Variants in PLXDC2 observed in about 807,000 individuals in gnomAD.
PLXDC2 encodes plexin domain containing 2.
PLXDC2 carries 40 observed loss-of-function variants against 68.9 expected under a neutral mutation model. The ratio of observed to expected loss-of-function variants is 0.58; its 90% confidence interval spans 0.45 to 0.76. The LOEUF (loss-of-function observed/expected upper bound fraction) is 0.76. Among genes scored for constraint, PLXDC2 ranks in the 30% least tolerant of loss-of-function variants. PLXDC2 has a pLI of 0.00. For synonymous variants in PLXDC2, 243 were observed against 234.2 expected (o/e 1.04, Z -0.34); for missense variants, 644 against 661.9 (o/e 0.97, Z 0.30).
At chr10:20,063,504 A>T (rs570818298) in intron 3 of PLXDC2, among the ~76,000 whole-genome samples, 2 of 152,228 alleles carry the variant, frequency 1.3e-5, no homozygotes, top group African/African-American at 4.8e-5. Flanking sequence ...TTGACTAATT[A>T]ATTCATCCTT....
intron 6 of PLXDC2, among the ~76,000 whole-genome samples, chr10:20,148,979 T>G (rs934953727): frequency 6.6e-6 from 1 of 152,160 alleles, no homozygotes; most frequent in African/African-American, 2.4e-5. Flanking sequence ...ACTTTTTTAA[T>G]GAAATTTTTC....
chr10:20,072,493 G>GAGAAAGAAAA (rs1836343652), intron 4 of PLXDC2, among the ~76,000 whole-genome samples: 1 of 80,704 alleles, frequency 1.2e-5, no homozygotes, highest in Non-Finnish European at 2.4e-5. Context: ...AAGAAAGAAA[G>GAGAAAGAAAA]AGAAAGAAAG....
intron 4 of PLXDC2, among the ~76,000 whole-genome samples, chr10:20,136,170 G>A (rs1589647621): frequency 6.6e-6 from 1 of 152,094 alleles, no homozygotes. Context: ...AATACAAGCC[G>A]ATATCCTCAT....
intron 6 of PLXDC2, among the ~76,000 whole-genome samples, chr10:20,162,252 C>CA (rs1319093712): frequency 6.6e-6 from 1 of 152,114 alleles, no homozygotes; most frequent in East Asian, 1.9e-4. Context: ...CTGCAGGAAC[C>CA]AAGACATGTG....
intron 1 of PLXDC2, among the ~76,000 whole-genome samples, chr10:19,971,015 C>T (rs113828321): frequency 0.012 from 1,885 of 152,286 alleles, 21 homozygotes; most frequent in Non-Finnish European, 0.021. Context: ...GATGAAACCA[C>T]GCAGCTGTTC....
At chr10:19,927,713 C>CAAAAAAAAAAAAAAAAAAAAA (rs35250324) in intron 1 of PLXDC2, among the ~76,000 whole-genome samples, 12 of 53,144 alleles carry the variant, frequency 2.3e-4, no homozygotes, top group Non-Finnish European at 2.8e-4. Context: ...GGAAAAAAAG[C>CAAAAAAAAAAAAAAAAAAAAA]AAAAAAAAAA....
chr10:19,989,750 A>C (rs955330286), intron 1 of PLXDC2, among the ~76,000 whole-genome samples: 1 of 107,498 alleles, frequency 9.3e-6, no homozygotes, highest in African/African-American at 4.3e-5. Context: ...TACTTATGTG[A>C]ATTTTTTTTT....
rs182960600 is a variant in PLXDC2, at chr10:19,889,432, C to T, written c.112+72241C>T. ...AATTGTTTTCAAACCACTAGGGTCT[C>T]ATTTAATAACTTGCTGGAGCCATTT... is the stretch of plus-strand genomic sequence containing the variant. On this transcript the variant is annotated intron_variant, in intron 1 of 13. Coordinates refer to ENST00000377252, the MANE Select transcript of PLXDC2 (RefSeq NM_032812.9). 7.9e-4 allele frequency among the ~76,000 whole-genome samples: 120 copies of T among 152,256 alleles called. 1 individual carries two copies. Among genetic ancestry groups the T allele is most frequent in the Non-Finnish European group, 1.5e-3 (101 of 68,014 alleles).
chr10:20,106,085 A>T (rs1833487424), intron 4 of PLXDC2, among the ~76,000 whole-genome samples: 2 of 152,250 alleles, frequency 1.3e-5, no homozygotes, highest in South Asian at 4.1e-4. Context: ...GTAGTCACAC[A>T]GCTATGTAAG....
chr10:19,934,145 G>T (rs10827907), intron 1 of PLXDC2, among the ~76,000 whole-genome samples: 67,507 of 152,080 alleles, frequency 0.44, 15,976 homozygotes, highest in African/African-American at 0.61. Flanking sequence ...AATCACTGTA[G>T]TCTGTCGTGG....
intron 2 of PLXDC2, among the ~76,000 whole-genome samples, chr10:20,010,520 C>G (rs1365672248): frequency 6.6e-6 from 1 of 151,908 alleles, no homozygotes; most frequent in Non-Finnish European, 1.5e-5. Context: ...TTTATTGAAA[C>G]AAAAATGGAA....
intron 12 of PLXDC2, among the ~76,000 whole-genome samples, chr10:20,239,761 A>G (rs1419211530): frequency 1.3e-5 from 2 of 152,196 alleles, no homozygotes; most frequent in Non-Finnish European, 2.9e-5. Context: ...ATATAAAAGA[A>G]CAATCAGTCG....
chr10:20,248,870 A>G (rs1242770415), intron 13 of PLXDC2, among the ~76,000 whole-genome samples: 1 of 152,204 alleles, frequency 6.6e-6, no homozygotes, highest in Non-Finnish European at 1.5e-5. Context: ...TTATATTCCT[A>G]TCTACTTTTG....
intron 12 of PLXDC2, among the ~76,000 whole-genome samples, chr10:20,244,892 G>A (rs190325413): frequency 2.8e-4 from 42 of 152,234 alleles, no homozygotes; most frequent in African/African-American, 9.6e-4. Context: ...GAGGCAGGCG[G>A]ATCACCTGAA....
chr10:20,145,352 C>G (rs1834062904), intron 5 of PLXDC2, among the ~76,000 whole-genome samples: 1 of 152,084 alleles, frequency 6.6e-6, no homozygotes, highest in South Asian at 2.1e-4. Flanking sequence ...CTTTTAATAC[C>G]ACAACAACTT....
At chr10:19,863,345 G>A (rs559068656) in intron 1 of PLXDC2, among the ~76,000 whole-genome samples, 106 of 152,196 alleles carry the variant, frequency 7.0e-4, no homozygotes, top group Non-Finnish European at 6.2e-4. Flanking sequence ...GCTGCCGGCT[G>A]ACATTATGTT....
intron 2 of PLXDC2, among the ~76,000 whole-genome samples, chr10:20,036,351 G>A (rs1835579172): frequency 6.6e-6 from 1 of 152,184 alleles, no homozygotes; most frequent in African/African-American, 2.4e-5. Flanking sequence ...CAGGGAGAAA[G>A]CAGCCCTTTA....
chr10:19,897,486 C>T (rs1838079888), intron 1 of PLXDC2, among the ~76,000 whole-genome samples: 1 of 152,068 alleles, frequency 6.6e-6, no homozygotes, highest in East Asian at 1.9e-4. Flanking sequence ...CTCAGGTGAT[C>T]CACCTGCCTC....
chr10:20,242,074 T>C (rs1835523381), intron 12 of PLXDC2, among the ~76,000 whole-genome samples: 1 of 152,132 alleles, frequency 6.6e-6, no homozygotes, highest in Non-Finnish European at 1.5e-5. Context: ...TCTTCATTTT[T>C]GACTCAAAAA....
Sources: allele counts gnomAD v4.1 joint callset (sites outside exome capture counted in the v4.1 genomes callset), GRCh38; gene constraint gnomAD v4.1.1; transcripts MANE v1.5; gene names NCBI Gene and HGNC (gene_info 2026-07-23, HGNC 2026-07-21).